The following TMEM132B variants were observed in gnomAD, a reference collection of about 807,000 sequenced individuals.
The protein encoded by TMEM132B is transmembrane protein 132B.
TMEM132B carries 18 observed loss-of-function variants against 90.8 expected under a neutral mutation model. The ratio of observed to expected loss-of-function variants is 0.20; its 90% CI spans 0.14 to 0.29. The LOEUF is 0.29. Ranked by LOEUF, TMEM132B falls within the 10% of genes least tolerant of loss-of-function variation. The pLI, the probability that TMEM132B is intolerant of heterozygous loss-of-function variation, is 1.00. For synonymous variants in TMEM132B, 504 were observed against 523.3 expected, an observed-to-expected ratio of 0.96 and a Z score of 0.50; for missense variants, 1,096 against 1,326.8, an observed-to-expected ratio of 0.83 and a Z score of 2.70.
intron 1 of TMEM132B, among the ~76,000 whole-genome samples, chr12:125,223,831 G>T (rs1873616426): frequency 6.6e-6 from 1 of 151,944 alleles, no homozygotes; most frequent in Non-Finnish European, 1.5e-5. Context: ...CTATTGCCTA[G>T]GGTGGCGCGA....
At chr12:125,396,629 C>G (rs928503300) in intron 2 of TMEM132B, among the ~76,000 whole-genome samples, 4 of 152,064 alleles carry the variant, frequency 2.6e-5, no homozygotes, top group African/African-American at 9.7e-5. Context: ...CCTCCCACCT[C>G]TGAGGTAGCT....
At chr12:125,255,668 C>T (rs577340951) in intron 1 of TMEM132B, among the ~76,000 whole-genome samples, 8 of 152,164 alleles carry the variant, frequency 5.3e-5, no homozygotes, top group East Asian at 1.9e-4. Flanking sequence ...GATCTTGGAG[C>T]GAGGTCTCTG....
intron 3 of TMEM132B, among the ~76,000 whole-genome samples, chr12:125,454,072 C>T (rs1310881902): frequency 2.6e-5 from 4 of 152,030 alleles, no homozygotes; most frequent in African/African-American, 7.3e-5. Context: ...AAGTAGGGCC[C>T]GTTTTAACAG....
intron 6 of TMEM132B, among the ~76,000 whole-genome samples, chr12:125,648,111 A>G (rs991533851): frequency 7.9e-6 from 1 of 126,976 alleles, no homozygotes; most frequent in Non-Finnish European, 1.6e-5. Flanking sequence ...TGACCATGTG[A>G]TCTCATTGTT....
rs114042320 is a variant in TMEM132B at position 125,427,529 on chromosome 12, C to T, written c.1106+11852C>T. On this transcript the variant is annotated intron_variant, in intron 3 of 8. Transcript: ENST00000682704. Reference sequence around the variant, plus strand: ...AATGTTTTAAGTCCAACGCTCTTTTCGCAGTATCAGAGTAATCTAAAAACA... The same window carrying T: ...AATGTTTTAAGTCCAACGCTCTTTTTGCAGTATCAGAGTAATCTAAAAACA... Among the ~76,000 whole-genome samples, 643 of 152,288 alleles carry T rather than the reference C, an allele frequency of 4.2e-3. 7 individuals are homozygous for T. The highest frequency in any genetic ancestry group is 0.015 in the African/African-American group (620 of 41,522).
At chr12:125,546,210 T>C (rs2136744925) in intron 4 of TMEM132B, among the ~76,000 whole-genome samples, 1 of 151,084 alleles carries the variant, frequency 6.6e-6, no homozygotes, top group African/African-American at 2.4e-5. Context: ...TGAGACAGAG[T>C]CTTGCTCTGT....
At chr12:125,315,456 C>G (rs886421123) in intron 1 of TMEM132B, among the ~76,000 whole-genome samples, 3 of 152,196 alleles carry the variant, frequency 2.0e-5, no homozygotes, top group Admixed American at 2.0e-4. Flanking sequence ...GCCTCGGCCT[C>G]CCAAAGTGCT....
intron 2 of TMEM132B, among the ~76,000 whole-genome samples, chr12:125,366,275 C>T (rs933102403): frequency 1.3e-5 from 2 of 152,044 alleles, no homozygotes; most frequent in Admixed American, 6.6e-5. Context: ...ATTCGTTCAT[C>T]CATTGATGGA....
chr12:125,220,190 G>C (rs1418583836), intron 1 of TMEM132B, among the ~76,000 whole-genome samples: 3 of 152,282 alleles, frequency 2.0e-5, no homozygotes, highest in African/African-American at 4.8e-5. Flanking sequence ...GTAGCATATT[G>C]CATGCACTGT....
intron 3 of TMEM132B, among the ~76,000 whole-genome samples, chr12:125,434,735 CTG>C (rs1252975050): frequency 3.3e-5 from 5 of 152,226 alleles, no homozygotes; most frequent in African/African-American, 1.2e-4. Flanking sequence ...GTTCTAATCT[CTG>C]TGTTTTTTCA....
At position 125,490,074 on chromosome 12, in the gene TMEM132B, G is replaced by C. The variant is rs529264371; in HGVS notation, c.1107-29365G>C. ...CACGTATGATGTTTTAGTTATGTTG[G>C]GGGGAGTTACTCCAGAGATTAACTC... On this transcript the variant is annotated intron_variant, in intron 3 of 8. Transcript: ENST00000682704. This position sits in a 1 kb window ranked among gnomAD's most constrained non-coding sequence, Gnocchi z 4.2. 6.6e-6 allele frequency among the ~76,000 whole-genome samples: 1 copy of C among 152,222 alleles called. No individual in the cohort carries two copies. The highest frequency in any genetic ancestry group is 2.1e-4 in the South Asian group (1 of 4,810).
intron 3 of TMEM132B, among the ~76,000 whole-genome samples, chr12:125,437,697 G>A (rs1433382292): frequency 6.6e-6 from 1 of 152,164 alleles, no homozygotes; most frequent in Non-Finnish European, 1.5e-5. Flanking sequence ...AAAACATGAC[G>A]CTGAGTGAAA....
chr12:125,577,420 T>C (rs1780601995), intron 4 of TMEM132B, among the ~76,000 whole-genome samples: 1 of 151,462 alleles, frequency 6.6e-6, no homozygotes, highest in Admixed American at 6.6e-5. Context: ...CCAAGTAACT[T>C]ACTTTTGGTT....
intron 3 of TMEM132B, among the ~76,000 whole-genome samples, chr12:125,516,353 A>C (rs1256525319): frequency 6.6e-6 from 1 of 152,250 alleles, no homozygotes; most frequent in East Asian, 1.9e-4. Flanking sequence ...GATCAGGAGC[A>C]GGTCAAATTA....
At position 125,523,442 on chromosome 12, in the gene TMEM132B, G is replaced by A. The variant is rs150469703; in HGVS notation, c.1293+3817G>A. Among the ~76,000 whole-genome samples the A allele has an allele frequency of 4.6e-3, 698 of 151,390 alleles. 2 individuals are homozygous for A. Among genetic ancestry groups the A allele is most frequent in the South Asian group, 9.9e-3 (47 of 4,756 alleles). ...CTCCTGCTTTCTCTTCCCTTTTAAG[G>A]ACCCTTGTGATGACATGGGGCCCAC... On this transcript the variant is annotated intron_variant, in intron 4 of 8. Transcript: ENST00000682704.
Position 125,657,749 on chromosome 12 carries a change from A to G in TMEM132B, c.*3039A>G, listed in dbSNP as rs1353518697. ...ATAAAGTCCCTTCCTCTCCCATGGG[A>G]ATGGAATGCTCAGACTCCTGCTGAG... On this transcript the variant is annotated 3_prime_UTR_variant, in exon 9 of 9. Transcript: ENST00000682704. 3 of 152,178 alleles carry G rather than the reference A, an allele frequency of 2.0e-5. No homozygotes were observed. The allele number at this position is 152,178 out of a possible 1,614,324, so 9.4% of individuals were successfully genotyped here. A position where few individuals can be genotyped will look rare whatever the true frequency, so the allele number is the denominator to read the frequency against.
At chr12:125,188,862 A>AAAAAAAAAAAAG (rs1565970796) in intron 1 of TMEM132B, among the ~76,000 whole-genome samples, 1 of 138,340 alleles carries the variant, frequency 7.2e-6, no homozygotes, top group Non-Finnish European at 1.6e-5. Context: ...CAAAAAAAAA[A>AAAAAAAAAAAAG]AAAAAAAAAA....
chr12:125,328,840 C>T (rs1463074850), intron 1 of TMEM132B, among the ~76,000 whole-genome samples: 6 of 152,124 alleles, frequency 3.9e-5, no homozygotes. Context: ...GCCCTCATGA[C>T]TCTCGCTTTT....
At chr12:125,341,420 C>G (rs1045618128) in intron 1 of TMEM132B, among the ~76,000 whole-genome samples, 18 of 152,124 alleles carry the variant, frequency 1.2e-4, no homozygotes, top group African/African-American at 4.1e-4. Context: ...ATTTTAATAC[C>G]TGCAAAATGC....
Sources: allele counts gnomAD v4.1 joint callset (sites outside exome capture counted in the v4.1 genomes callset), GRCh38; gene constraint gnomAD v4.1.1; non-coding constraint Gnocchi (gnomAD v3.1); transcripts MANE v1.5; gene names NCBI Gene and HGNC (gene_info 2026-07-23, HGNC 2026-07-21).